Variants in SLC6A11 observed in about 807,000 individuals in gnomAD.
SLC6A11 encodes solute carrier family 6 member 11, also known as sodium- and chloride-dependent GABA transporter 3.
Under a neutral mutation model 74.8 loss-of-function variants are expected in SLC6A11, and 25 were observed. The ratio of observed to expected loss-of-function variants is 0.33; its 90% CI spans 0.24 to 0.47. The LOEUF (loss-of-function observed/expected upper bound fraction) is 0.47, where lower values mean the gene tolerates loss of function less well. SLC6A11 is among the 20% of genes least tolerant of loss of function. The probability of loss-of-function intolerance (pLI) is 1.00; values close to 1 mark genes in which losing one functional copy is unlikely to be tolerated. For missense variants in SLC6A11, 574 were observed against 837.0 expected (o/e 0.69, Z 3.88); for synonymous variants, 330 against 330.2 (o/e 1.00, Z 0.01).
intron 6 of SLC6A11, among the ~76,000 whole-genome samples, chr3:10,900,052 G>A (rs893997225): frequency 6.6e-6 from 1 of 152,216 alleles, no homozygotes; most frequent in Non-Finnish European, 1.5e-5. Context: ...AGTAATGTCT[G>A]CCCTGGGCAG....
At chr3:10,879,158 C>G (rs1559569172) in intron 6 of SLC6A11, among the ~76,000 whole-genome samples, 1 of 152,170 alleles carries the variant, frequency 6.6e-6, no homozygotes, top group Non-Finnish European at 1.5e-5. Context: ...AACAAAAAGT[C>G]TAATAACCTC....
chr3:10,934,928 C>T, intron 12 of SLC6A11, 101 bp from the exon 13 acceptor site: 1 of 1,039,246 alleles, frequency 9.6e-7, no homozygotes, highest in Non-Finnish European at 1.4e-6. Flanking sequence ...AGCTTCCTCC[C>T]CTGCCAGCCT....
intron 5 of SLC6A11, among the ~76,000 whole-genome samples, chr3:10,872,317 A>T (rs889311251): frequency 6.6e-6 from 1 of 152,196 alleles, no homozygotes; most frequent in Admixed American, 6.5e-5. Context: ...TCATGTGTGG[A>T]AGTGCTAAGT....
intron 4 of SLC6A11, among the ~76,000 whole-genome samples, chr3:10,826,536 C>A (rs180917079): frequency 4.1e-4 from 62 of 152,266 alleles, no homozygotes; most frequent in Admixed American, 9.2e-4. Flanking sequence ...ATATGGAAAA[C>A]CTTAATTAAA....
At chr3:10,884,208 G>A (rs371726998) in intron 6 of SLC6A11, among the ~76,000 whole-genome samples, 228 of 152,288 alleles carry the variant, frequency 1.5e-3, no homozygotes, top group Middle Eastern at 6.8e-3. Flanking sequence ...TGTTTCAGCA[G>A]TGTCTTATGA....
intron 8 of SLC6A11, among the ~76,000 whole-genome samples, chr3:10,920,995 A>G (rs1695530486): frequency 6.6e-6 from 1 of 152,232 alleles, no homozygotes; most frequent in South Asian, 2.1e-4. Flanking sequence ...TTTCTGAGGC[A>G]TGATTTTTGG....
chr3:10,923,263 A>C (rs377180592), intron 8 of SLC6A11, among the ~76,000 whole-genome samples: 6 of 151,642 alleles, frequency 4.0e-5, no homozygotes, highest in Non-Finnish European at 8.8e-5. Flanking sequence ...AAAAAAAAAA[A>C]ACACAGGGCT....
intron 5 of SLC6A11, among the ~76,000 whole-genome samples, chr3:10,853,046 G>A (rs1256623551): frequency 4.6e-5 from 7 of 152,182 alleles, no homozygotes; most frequent in Non-Finnish European, 1.0e-4. Flanking sequence ...TCTCTGGGCC[G>A]TAGTTTCCCC....
rs1695489018 is a variant in SLC6A11 at position 10,918,473 on chromosome 3, G to A, written c.1120+20G>A. The A allele has an allele frequency of 1.3e-6, 2 of 1,599,772 alleles. No individual in the cohort carries two copies. Among genetic ancestry groups the A allele is most frequent in the African/African-American group, 1.4e-5 (1 of 73,766 alleles). ...AGTCAGGTAAGTTCGCCAAAGGTGG[G>A]GATGGAAAAGGCGGCAAGGGAGGCC... On this transcript the variant is annotated intron_variant, in intron 8 of 13. Coordinates refer to ENST00000254488, the MANE Select transcript of SLC6A11 (RefSeq NM_014229.3). This position sits in a 1 kb window ranked among gnomAD's most constrained non-coding sequence, Gnocchi z 4.5.
chr3:10,835,806 GGA>G (rs1559555393), intron 4 of SLC6A11, among the ~76,000 whole-genome samples: 2 of 152,216 alleles, frequency 1.3e-5, no homozygotes, highest in Non-Finnish European at 2.9e-5. Context: ...CAGGATGTTA[GGA>G]AGTATTGCCT....
In SLC6A11 at chr3:10,894,250, T is replaced by G. The variant is rs1041204965; in HGVS notation, c.892-17840T>G. ...AGGGAACTGGCGCCGTTTAAAGCTG[T>G]CACCGGTTCCATTCAGATGAGCATA... On this transcript the variant is annotated intron_variant, in intron 6 of 13. Coordinates refer to ENST00000254488, the MANE Select transcript of SLC6A11 (RefSeq NM_014229.3). Among the ~76,000 whole-genome samples, 3 of 152,164 alleles carry G rather than the reference T, an allele frequency of 2.0e-5. No homozygotes were observed. In the South Asian group the frequency reaches 6.2e-4, roughly 32 times the overall value.
intron 4 of SLC6A11, among the ~76,000 whole-genome samples, chr3:10,830,855 T>A (rs776555240): frequency 7.9e-5 from 12 of 152,044 alleles, no homozygotes; most frequent in Non-Finnish European, 1.5e-4. Context: ...TTCCTAGAGT[T>A]GTGTGATCAG....
intron 13 of SLC6A11, among the ~76,000 whole-genome samples, chr3:10,935,734 TG>T (rs1213156027): frequency 1.3e-5 from 2 of 152,232 alleles, no homozygotes; most frequent in Non-Finnish European, 2.9e-5. Flanking sequence ...GCAGATCACA[TG>T]GTTAAAGACA....
chr3:10,842,623 T>C (rs1434470893), intron 4 of SLC6A11, among the ~76,000 whole-genome samples: 1 of 152,164 alleles, frequency 6.6e-6, no homozygotes, highest in African/African-American at 2.4e-5. Context: ...ACTTGGACCT[T>C]TTTTTGGTCC....
Position 10,935,009 on chromosome 3 carries a change from C to T in SLC6A11, c.1576-20C>T. 6.2e-7 allele frequency: 1 copy of T among 1,607,622 alleles called. No individual in the cohort carries two copies. Among genetic ancestry groups the T allele is most frequent in the South Asian group, 1.1e-5 (1 of 89,288 alleles). ...GGCTGAGGGCCCATCCCCCAGGCAC[C>T]TGCCCCCATCTCTCTGCAGGGGATC... On this transcript the variant is annotated intron_variant, in intron 12 of 13. Coordinates refer to ENST00000254488, the MANE Select transcript of SLC6A11 (RefSeq NM_014229.3).
At chr3:10,822,689 A>G (rs928829572) in intron 3 of SLC6A11, among the ~76,000 whole-genome samples, 1 of 152,024 alleles carries the variant, frequency 6.6e-6, no homozygotes, top group Admixed American at 6.5e-5. Context: ...TTGAGATTAA[A>G]TCTCCCTGGG....
rs1311842215 is a variant in SLC6A11 at position 10,871,132 on chromosome 3, C to T, written c.757-3829C>T. 2.2e-4 allele frequency among the ~76,000 whole-genome samples: 33 copies of T among 152,266 alleles called. 1 individual carries two copies. On this transcript the variant is annotated intron_variant, in intron 5 of 13. Transcript: ENST00000254488. The stretch of plus-strand genomic sequence containing the variant: ...GTCACTGTAGTAACTGAGGAGCAGT[C>T]TTCTGTACATGGTGCCTGGGAACTG...
chr3:10,877,179 T>TCTAG (rs1694919015), intron 6 of SLC6A11, among the ~76,000 whole-genome samples: 1 of 152,214 alleles, frequency 6.6e-6, no homozygotes, highest in Non-Finnish European at 1.5e-5. Context: ...CCATGGCTGT[T>TCTAG]CTAGCACTCA....
intron 4 of SLC6A11, among the ~76,000 whole-genome samples, chr3:10,831,525 G>T (rs773565206): frequency 2.0e-5 from 3 of 152,140 alleles, no homozygotes; most frequent in African/African-American, 7.2e-5. Context: ...TATATGTGTT[G>T]TATATGCCTT....
Sources: allele counts gnomAD v4.1 joint callset (sites outside exome capture counted in the v4.1 genomes callset), GRCh38; gene constraint gnomAD v4.1.1; non-coding constraint Gnocchi (gnomAD v3.1); transcripts MANE v1.5; gene names NCBI Gene and HGNC (gene_info 2026-07-23, HGNC 2026-07-21).